The following RPTOR variants were observed in gnomAD, a reference collection of about 807,000 sequenced individuals.
RPTOR encodes the protein regulatory-associated protein of mTOR.
In RPTOR, 21 loss-of-function variants were observed where a neutral mutation model predicts 169.9. That is an observed-to-expected ratio of 0.12 (90% CI 0.09 to 0.18). The LOEUF (loss-of-function observed/expected upper bound fraction) is 0.18, where lower values mean the gene tolerates loss of function less well. Ranked by LOEUF, RPTOR falls within the 10% of genes least tolerant of loss-of-function variation. The probability of loss-of-function intolerance (pLI) is 1.00; values close to 1 mark genes in which losing one functional copy is unlikely to be tolerated. For missense variants in RPTOR, 1,133 were observed against 1,855.9 expected (o/e 0.61, Z 7.16); for synonymous variants, 732 against 753.2 (o/e 0.97, Z 0.46).
At chr17:80,694,652 G>T (rs867233187) in intron 3 of RPTOR, among the ~76,000 whole-genome samples, 1 of 152,202 alleles carries the variant, frequency 6.6e-6, no homozygotes, top group Non-Finnish European at 1.5e-5. Flanking sequence ...TGTTGATCAC[G>T]GCTGGTGGTA....
At chr17:80,719,878 A>G (rs2315923) in intron 4 of RPTOR, among the ~76,000 whole-genome samples, 22,140 of 152,168 alleles carry the variant, frequency 0.15, 2,226 homozygotes, top group African/African-American at 0.29. Flanking sequence ...TTAAATAATT[A>G]TTCCATGAGC....
chr17:80,822,560 C>G (rs1391422050), intron 8 of RPTOR, among the ~76,000 whole-genome samples: 1 of 152,258 alleles, frequency 6.6e-6, no homozygotes, highest in Non-Finnish European at 1.5e-5. Flanking sequence ...ACAGCCCTTA[C>G]TGCGCACCGG....
At chr17:80,801,714 A>C (rs1049545594) in intron 7 of RPTOR, 1 of 152,246 alleles carries the variant, frequency 6.6e-6, no homozygotes, top group Admixed American at 6.5e-5. Flanking sequence ...GTAATTCATT[A>C]ACGTCTGCCA....
intron 11 of RPTOR, among the ~76,000 whole-genome samples, chr17:80,853,874 A>G (rs985752083): frequency 6.6e-6 from 1 of 152,056 alleles, no homozygotes; most frequent in Non-Finnish European, 1.5e-5. Flanking sequence ...TTAACTACTC[A>G]GGAGGCTGAG....
In RPTOR at chr17:80,893,827, G is replaced by A. The variant is rs2143878514; in HGVS notation, c.2363G>A (p.Arg788His). 2.6e-6 allele frequency: 4 copies of A among 1,536,340 alleles called. No individual in the cohort carries two copies. Among genetic ancestry groups the A allele is most frequent in the Non-Finnish European group, 3.5e-6 (4 of 1,138,076 alleles). Residue 788 changes from arginine (R) to histidine (H), a missense_variant, in exon 20 of 34, where the codon CGC becomes CAC. Physicochemically the swap from Arg to His is conservative, Grantham distance 29 (BLOSUM62 0). Coordinates refer to ENST00000306801, the MANE Select transcript of RPTOR (RefSeq NM_020761.3). ...TCCTTCGAGACCATCGACAAGATGC[G>A]CCGCGCCAGCTCCTACTCCTCCCTC... The part of the protein sequence containing the change: ...ILSFETIDKM[R>H]RASSYSSLNS...
intron 9 of RPTOR, among the ~76,000 whole-genome samples, chr17:80,835,829 AT>A (rs1228784201): frequency 2.0e-5 from 3 of 152,226 alleles, no homozygotes; most frequent in Non-Finnish European, 4.4e-5. Context: ...GGTCCCAGGC[AT>A]TTTAGAGAAG....
intron 2 of RPTOR, among the ~76,000 whole-genome samples, chr17:80,642,136 T>A (rs1331401547): frequency 2.0e-5 from 3 of 152,062 alleles, no homozygotes; most frequent in Non-Finnish European, 4.4e-5. Context: ...TCTTTTTTGT[T>A]GTTGTTGTTG....
intron 3 of RPTOR, among the ~76,000 whole-genome samples, chr17:80,673,870 G>A (rs1039457395): frequency 2.6e-5 from 4 of 152,228 alleles, no homozygotes; most frequent in African/African-American, 7.2e-5. Flanking sequence ...GGAGAGGTCT[G>A]TGATACTGGC....
chr17:80,872,583 G>A (rs35987612), intron 13 of RPTOR, among the ~76,000 whole-genome samples: 10,578 of 152,308 alleles, frequency 0.069, 476 homozygotes, highest in South Asian at 0.17. Flanking sequence ...CCCCTGGGAA[G>A]GTGGGAGGTG....
chr17:80,923,835 G>T (rs1489187278), intron 23 of RPTOR, 162 bp downstream of exon 23: 1 of 757,538 alleles, frequency 1.3e-6, no homozygotes, highest in Admixed American at 3.0e-5. Context: ...TGCAGACCCG[G>T]GTGCTGGTCC....
rs543630456 is a variant in RPTOR at position 80,619,290 on chromosome 17, G to C, written c.163-6401G>C. Among the ~76,000 whole-genome samples, 6 of 152,268 alleles carry C rather than the reference G, an allele frequency of 3.9e-5. No individual in the cohort carries two copies. In the East Asian group the frequency reaches 1.2e-3, roughly 29 times the overall value. On this transcript the variant is annotated intron_variant, in intron 1 of 33. Transcript: ENST00000306801. Reference sequence around the variant, plus strand: ...GGGGACAGAAGGCAGTGATTGGGCTGCTGAACATGTTTAATTTCTTCATTC... The same window carrying C: ...GGGGACAGAAGGCAGTGATTGGGCTCCTGAACATGTTTAATTTCTTCATTC...
chr17:80,892,923 C>T, intron 19 of RPTOR, 54 bp downstream of exon 19: 1 of 1,585,580 alleles, frequency 6.3e-7, no homozygotes, highest in South Asian at 1.1e-5. Context: ...GTTGTTTTTT[C>T]TGAAACACTG....
rs1162066698 is a variant in RPTOR at position 80,572,885 on chromosome 17, C to T, written c.162+27094C>T. Among the ~76,000 whole-genome samples, 13 of 152,272 alleles carry T rather than the reference C, an allele frequency of 8.5e-5. No individual in the cohort carries two copies. The East Asian group carries it at 2.3e-3, about 27-fold the overall frequency. ...GCTTTTTTTGCATCTTATTTAGGAA[C>T]TCTCTTTCTCCCTTGATGGCATGAA... On this transcript the variant is annotated intron_variant, in intron 1 of 33. Coordinates refer to ENST00000306801, the MANE Select transcript of RPTOR (RefSeq NM_020761.3).
intron 7 of RPTOR, 150 bp from the exon 8 acceptor site, chr17:80,822,051 T>C: frequency 1.4e-6 from 1 of 702,552 alleles, no homozygotes; most frequent in Non-Finnish European, 2.6e-6. Context: ...AGAGTTTGAT[T>C]CTCCCTGCCG....
intron 21 of RPTOR, among the ~76,000 whole-genome samples, chr17:80,913,747 C>G (rs9900163): frequency 0.014 from 2,067 of 152,278 alleles, 47 homozygotes; most frequent in African/African-American, 0.047. Flanking sequence ...GCCACTGCAC[C>G]TGGCCTGCTT....
chr17:80,584,697 T>C (rs1599576003), intron 1 of RPTOR, among the ~76,000 whole-genome samples: 1 of 152,248 alleles, frequency 6.6e-6, no homozygotes, highest in African/African-American at 2.4e-5. Context: ...AGAATTCAGC[T>C]TCACGGGCCT....
chr17:80,702,883 A>G (rs1328318436), intron 3 of RPTOR, among the ~76,000 whole-genome samples: 1 of 152,170 alleles, frequency 6.6e-6, no homozygotes, highest in Admixed American at 6.5e-5. Flanking sequence ...GACTTCAGCA[A>G]TCCTAGTTCG....
In RPTOR at chr17:80,707,903, A is replaced by G; in HGVS notation, c.411A>G (p.Leu137=). ...VDEVKKLCTS[L]RRNAKEERVL... is the part of the protein sequence containing the mutation. Reference sequence around the variant, plus strand: ...AAGTCAAGAAGCTCTGCACGTCCTTACGTCGCAACGCCAAGGAGGAGCGAG... The same window carrying G: ...AAGTCAAGAAGCTCTGCACGTCCTTGCGTCGCAACGCCAAGGAGGAGCGAG... The change falls in exon 4 of 34, where the codon TTA becomes TTG. Residue 137 remains leucine (L), a synonymous_variant. Coordinates refer to ENST00000306801, the MANE Select transcript of RPTOR (RefSeq NM_020761.3). This position sits in a 1 kb window ranked among gnomAD's most constrained non-coding sequence, Gnocchi z 5.0. 1 of 1,614,062 alleles carries G rather than the reference A, an allele frequency of 6.2e-7. No homozygotes were observed. The highest frequency in any genetic ancestry group is 8.5e-7 in the Non-Finnish European group (1 of 1,179,984).
At chr17:80,558,158 G>T (rs538324815) in intron 1 of RPTOR, among the ~76,000 whole-genome samples, 300 of 152,162 alleles carry the variant, frequency 2.0e-3, no homozygotes, top group Admixed American at 2.7e-3. Flanking sequence ...AAAATTAGCC[G>T]GGCATGGTGG....
Sources: allele counts gnomAD v4.1 joint callset (sites outside exome capture counted in the v4.1 genomes callset), GRCh38; gene constraint gnomAD v4.1.1; non-coding constraint Gnocchi (gnomAD v3.1); transcripts MANE v1.5; gene names NCBI Gene and HGNC (gene_info 2026-07-23, HGNC 2026-07-21).